Variants in ABR observed in about 807,000 individuals in gnomAD.
ABR encodes active breakpoint cluster region-related protein.
In ABR, 35 loss-of-function variants were observed where a neutral mutation model predicts 107.2. The observed-to-expected ratio is 0.33, with a 90% CI of 0.25 to 0.43. The LOEUF (loss-of-function observed/expected upper bound fraction) is 0.43, where lower values mean the gene tolerates loss of function less well. ABR is among the 20% of genes least tolerant of loss of function. The pLI is 1.00. For synonymous variants in ABR, 498 were observed against 462.0 expected, an observed-to-expected ratio of 1.08 and a Z score of -1.00; for missense variants, 815 against 1,115.2, an observed-to-expected ratio of 0.73 and a Z score of 3.83.
Position 1,037,995 on chromosome 17 carries a change from A to C in ABR, c.1791+12055T>G, listed in dbSNP as rs1439832221. ...AGGACGCACCCCTGCCGTTTTTTCCAAATGAAATTTTATGCCGACGTCTCC... is the reference window on the plus strand; with the variant it reads ...AGGACGCACCCCTGCCGTTTTTTCCCAATGAAATTTTATGCCGACGTCTCC... On this transcript the variant is annotated intron_variant, in intron 16 of 22. Coordinates refer to ENST00000302538, the MANE Select transcript of ABR (RefSeq NM_021962.5). The surrounding 1 kb of genome is among the most constrained non-coding windows in gnomAD (Gnocchi z 4.6). Among the ~76,000 whole-genome samples, 1 of 152,158 alleles carries C rather than the reference A, an allele frequency of 6.6e-6. No homozygotes were observed. Among genetic ancestry groups the C allele is most frequent in the Non-Finnish European group, 1.5e-5 (1 of 68,030 alleles).
intron 13 of ABR, among the ~76,000 whole-genome samples, chr17:1,056,579 C>T (rs192130049): frequency 3.6e-4 from 55 of 152,246 alleles, no homozygotes; most frequent in African/African-American, 1.3e-3. Context: ...TCACAGCTCC[C>T]CACTGCTCAA....
At chr17:1,064,606 T>TAC (rs2034480408) in intron 10 of ABR, among the ~76,000 whole-genome samples, 2 of 32,456 alleles carry the variant, frequency 6.2e-5, no homozygotes, top group Admixed American at 3.3e-4. Flanking sequence ...GAGGGCTATG[T>TAC]ATGTTCCTCT....
Position 1,154,234 on chromosome 17 carries a change from G to A in ABR, c.61+25433C>T, listed in dbSNP as rs1268863840. 4 of 152,256 alleles carry A rather than the reference G, an allele frequency of 2.6e-5. No homozygotes were observed. Among genetic ancestry groups the A allele is most frequent in the Non-Finnish European group, 4.4e-5 (3 of 68,120 alleles). 9.4% of individuals were successfully genotyped at this position (152,256 alleles called of 1,614,324 possible). On this transcript the variant is annotated intron_variant, in intron 1 of 22. Transcript: ENST00000302538. This position sits in a 1 kb window ranked among gnomAD's most constrained non-coding sequence, Gnocchi z 4.0. ...GGGAGATTCATCTCTAAGGCCTCAG[G>A]GGACCTGGGGGATCGGGAGACAGGC...
intron 1 of ABR, among the ~76,000 whole-genome samples, chr17:1,129,894 C>G (rs2039752358): frequency 6.6e-6 from 1 of 152,168 alleles, no homozygotes; most frequent in Non-Finnish European, 1.5e-5. Flanking sequence ...TTGTGATGAG[C>G]TGAGATTGCA....
intron 2 of ABR, 91 bp from the exon 3 acceptor site, chr17:1,100,826 C>T: frequency 7.9e-7 from 1 of 1,262,096 alleles, no homozygotes; most frequent in African/African-American, 1.5e-5. Context: ...TCCCCCCCGA[C>T]CTTTATTTTT....
chr17:1,081,774 G>A (rs971408862), intron 5 of ABR, among the ~76,000 whole-genome samples: 4 of 151,380 alleles, frequency 2.6e-5, no homozygotes, highest in Non-Finnish European at 5.9e-5. Context: ...ACGGCGTTTC[G>A]CCACGTTGGC....
chr17:1,134,020 C>T (rs1175522785), intron 1 of ABR, among the ~76,000 whole-genome samples: 1 of 152,240 alleles, frequency 6.6e-6, no homozygotes, highest in Non-Finnish European at 1.5e-5. Flanking sequence ...TGGCTCATGC[C>T]TGTCATCCCA....
intron 9 of ABR, among the ~76,000 whole-genome samples, chr17:1,069,102 G>A (rs2151163828): frequency 6.6e-6 from 1 of 152,294 alleles, no homozygotes; most frequent in South Asian, 2.1e-4. Flanking sequence ...TTATGAAGAT[G>A]AGGCAGCAAC....
chr17:1,114,686 T>C (rs528965086), intron 2 of ABR, among the ~76,000 whole-genome samples: 2 of 151,868 alleles, frequency 1.3e-5, no homozygotes, highest in Non-Finnish European at 2.9e-5. Context: ...GGCAGGAGAA[T>C]CGCTTGAACC....
chr17:1,158,905 G>A (rs542606126), intron 1 of ABR, among the ~76,000 whole-genome samples: 59 of 152,280 alleles, frequency 3.9e-4, no homozygotes, highest in Non-Finnish European at 7.4e-4. Context: ...CAAAGCCACC[G>A]TTGTAACCAC....
At chr17:1,195,803 C>CAA (rs35449308) in intron 1 of ABR, among the ~76,000 whole-genome samples, 38 of 142,706 alleles carry the variant, frequency 2.7e-4, no homozygotes, top group South Asian at 1.1e-3. Context: ...GACTCTGTCT[C>CAA]AAAAAAAAAA....
At chr17:1,182,309 AG>A (rs1245079579), upstream of ABR, 1 of 152,146 alleles carries the variant, frequency 6.6e-6, no homozygotes, top group Non-Finnish European at 1.5e-5. Context: ...ACCCACTCAG[AG>A]GGTAAGTGAG....
At chr17:1,106,083 C>T (rs1254137267) in intron 2 of ABR, among the ~76,000 whole-genome samples, 1 of 152,176 alleles carries the variant, frequency 6.6e-6, no homozygotes, top group African/African-American at 2.4e-5. Context: ...ATTTTATTTG[C>T]ATTACCAGTT....
Position 1,067,073 on chromosome 17 carries a change from T to C in ABR, c.1182+4A>G, listed in dbSNP as rs764690515. 8.1e-6 allele frequency: 13 copies of C among 1,612,534 alleles called. No homozygotes were observed. Among genetic ancestry groups the C allele is most frequent in the East Asian group, 4.5e-5 (2 of 44,872 alleles). ...CCCAGGCTCAGATACCAAGCTCTGC[T>C]CACCTCCTTCTGGATTTCACTCTTG... On this transcript the variant is annotated splice_donor_region_variant and intron_variant, in intron 10 of 22. Transcript: ENST00000302538.
intron 16 of ABR, among the ~76,000 whole-genome samples, chr17:1,022,714 C>T (rs1056100027): frequency 2.6e-5 from 4 of 152,234 alleles, no homozygotes; most frequent in African/African-American, 9.6e-5. Flanking sequence ...CCTCACCCTG[C>T]AGGGTCAGCC....
In ABR at chr17:1,073,512, C is replaced by T. The variant is rs2035423875; in HGVS notation, c.753+113G>A. The T allele has an allele frequency of 7.1e-6, 6 of 843,228 alleles. No homozygotes were observed. In the South Asian group the frequency reaches 2.0e-4, roughly 28 times the overall value. The allele number at this position is 843,228 out of a possible 1,614,324, so 52.2% of individuals were successfully genotyped here. A position where few individuals can be genotyped will look rare whatever the true frequency, so the allele number is the denominator to read the frequency against. ...GACAGGCATCCTTGGAGCCTAGGAACCCCTGATTCCCCAGGTGGACTGTTC... is the reference window on the plus strand; with the variant it reads ...GACAGGCATCCTTGGAGCCTAGGAATCCCTGATTCCCCAGGTGGACTGTTC... On this transcript the variant is annotated intron_variant, in intron 7 of 22. Coordinates refer to ENST00000302538, the MANE Select transcript of ABR (RefSeq NM_021962.5).
intron 16 of ABR, among the ~76,000 whole-genome samples, chr17:1,034,649 T>TGGGAG: frequency 6.6e-6 from 1 of 150,876 alleles, no homozygotes; most frequent in Non-Finnish European, 1.5e-5. Flanking sequence ...CCAGCTTTAC[T>TGGGAG]CTACCTCCCT....
At chr17:1,040,371 C>T (rs1039985058) in intron 16 of ABR, among the ~76,000 whole-genome samples, 2 of 152,168 alleles carry the variant, frequency 1.3e-5, no homozygotes, top group Admixed American at 6.5e-5. Context: ...AGAAGCTGCT[C>T]CCCAGCCGCT....
At chr17:1,219,287 G>A (rs942037844) in intron 1 of ABR, among the ~76,000 whole-genome samples, 4 of 144,002 alleles carry the variant, frequency 2.8e-5, no homozygotes, top group Middle Eastern at 3.8e-3. Context: ...CAAATGGTCC[G>A]CCTGCCTTGG....
Sources: gnomAD v4.1 joint callset for allele counts (sites outside exome capture counted in the v4.1 genomes callset) on GRCh38, gnomAD v4.1.1 for gene constraint, Gnocchi (gnomAD v3.1) non-coding constraint, MANE v1.5 for transcripts, NCBI Gene and HGNC (gene_info 2026-07-23, HGNC 2026-07-21) for gene names.